KIAA1671: variants seen among roughly 807,000 people sequenced by gnomAD.
The protein encoded by KIAA1671 is KIAA1671, also known as uncharacterized protein KIAA1671.
In KIAA1671, 52 loss-of-function variants were observed where a neutral mutation model predicts 131.2. The observed-to-expected ratio is 0.40, with a 90% CI of 0.32 to 0.50. The LOEUF is 0.50. KIAA1671 is among the 20% of genes least tolerant of loss of function. The probability of loss-of-function intolerance (pLI) is 0.73; values close to 1 mark genes in which losing one functional copy is unlikely to be tolerated. For missense variants in KIAA1671, 2,360 were observed against 2,364.2 expected (o/e 1.00, Z 0.04); for synonymous variants, 1,003 against 961.6 (o/e 1.04, Z -0.80).
chr22:25,109,112 T>C (rs528209728), intron 6 of KIAA1671, among the ~76,000 whole-genome samples: 2 of 151,794 alleles, frequency 1.3e-5, no homozygotes, highest in South Asian at 4.2e-4. Context: ...ACACTATCAC[T>C]TCTTTTTTTT....
chr22:25,034,200 C>T (rs1363524715), intron 4 of KIAA1671, among the ~76,000 whole-genome samples: 1 of 152,054 alleles, frequency 6.6e-6, no homozygotes, highest in African/African-American at 2.4e-5. Flanking sequence ...CACCCACTAC[C>T]ACGCCTGGCT....
intron 6 of KIAA1671, chr22:25,055,525 C>A (rs1243672673): frequency 6.7e-6 from 1 of 149,752 alleles, no homozygotes; most frequent in East Asian, 2.0e-4. Flanking sequence ...AGTTCCAGAC[C>A]AGCCTGGGCT....
chr22:25,157,988 ATTTT>A (rs1284978640), intron 6 of KIAA1671, among the ~76,000 whole-genome samples: 1 of 151,804 alleles, frequency 6.6e-6, no homozygotes, highest in Non-Finnish European at 1.5e-5. Context: ...CGCCCGGCTA[ATTTT>A]TTGTATTTTT....
At chr22:24,958,665 A>AG (rs1921848559) in intron 1 of KIAA1671, among the ~76,000 whole-genome samples, 1 of 150,724 alleles carries the variant, frequency 6.6e-6, no homozygotes, top group Admixed American at 6.6e-5. Flanking sequence ...AAAAAAAAAA[A>AG]AAAAGGTTAA....
At position 25,147,977 on chromosome 22, in the gene KIAA1671, C is replaced by CCCCT. The variant is rs745650400; in HGVS notation, c.4531-22826_4531-22823dup. Among the ~76,000 whole-genome samples the CCCCT allele has an allele frequency of 9.5e-5, 12 of 126,344 alleles. No homozygotes were observed. The East Asian group carries it at 2.1e-3, about 22-fold the overall frequency. 82.9% of individuals were successfully genotyped at this position (126,344 alleles called of 152,430 possible). A position where few individuals can be genotyped will look rare whatever the true frequency, so the allele number is the denominator to read the frequency against. On this transcript the variant is annotated intron_variant, in intron 6 of 12. Coordinates refer to ENST00000358431, the MANE Select transcript of KIAA1671 (RefSeq NM_001145206.2). ...CCTTCCTCCTTTCCTTTCCTCCCTTCCCCTCCCTCCCTCCCTCCCTACCTC... is the reference window on the plus strand; with the variant it reads ...CCTTCCTCCTTTCCTTTCCTCCCTTCCCCTCCCTCCCTCCCTCCCTCCCTACCTC...
At chr22:25,098,875 G>C (rs1930514843) in intron 6 of KIAA1671, among the ~76,000 whole-genome samples, 1 of 152,210 alleles carries the variant, frequency 6.6e-6, no homozygotes, top group Non-Finnish European at 1.5e-5. Flanking sequence ...GCGCAAAAGA[G>C]AGGCTCCCCA....
chr22:25,121,814 A>G (rs748860638), intron 6 of KIAA1671, among the ~76,000 whole-genome samples: 3 of 152,192 alleles, frequency 2.0e-5, no homozygotes, highest in Non-Finnish European at 4.4e-5. Flanking sequence ...GGGAATATTT[A>G]TTACTTTTGC....
chr22:24,998,394 C>G (rs1023252116), intron 1 of KIAA1671, among the ~76,000 whole-genome samples: 1 of 151,790 alleles, frequency 6.6e-6, no homozygotes, highest in Non-Finnish European at 1.5e-5. Flanking sequence ...GCCTGGGTGA[C>G]AAATTAAGAC....
intron 1 of KIAA1671, among the ~76,000 whole-genome samples, chr22:24,966,287 C>T (rs577065446): frequency 2.4e-4 from 36 of 152,244 alleles, no homozygotes; most frequent in African/African-American, 7.0e-4. Context: ...CGAGCACTGC[C>T]GAGGGAAGGA....
intron 6 of KIAA1671, among the ~76,000 whole-genome samples, chr22:25,093,838 GTCTCTCTCTCTCTCTC>G (rs56200570): frequency 7.1e-4 from 14 of 19,642 alleles, no homozygotes; most frequent in East Asian, 4.8e-3. Context: ...CTCTCTGTCT[GTCTCTCTCTCTCTCTC>G]TCTCTCTCTC....
At chr22:25,079,110 G>A (rs1050541768) in intron 6 of KIAA1671, among the ~76,000 whole-genome samples, 3 of 152,180 alleles carry the variant, frequency 2.0e-5, no homozygotes, top group East Asian at 1.9e-4. Context: ...GGTGGCAGCC[G>A]ATGCTGGTGC....
At chr22:25,165,949 C>T (rs941742656) in intron 6 of KIAA1671, among the ~76,000 whole-genome samples, 5 of 152,236 alleles carry the variant, frequency 3.3e-5, no homozygotes, top group Middle Eastern at 3.4e-3. Flanking sequence ...CACCAGGCCC[C>T]GCACCCATGC....
chr22:25,171,066 T>C (rs1933829950), intron 7 of KIAA1671, 128 bp downstream of exon 7: 1 of 741,752 alleles, frequency 1.3e-6, no homozygotes, highest in Admixed American at 2.8e-5. Context: ...GAACCCATTC[T>C]TCTTTTAAAA....
chr22:24,994,670 G>A (rs1924018681), intron 1 of KIAA1671, among the ~76,000 whole-genome samples: 1 of 152,138 alleles, frequency 6.6e-6, no homozygotes, highest in African/African-American at 2.4e-5. Flanking sequence ...GAGGTCAGAG[G>A]CTCTGACAAA....
chr22:25,187,992 G>A (rs1181794588), intron 11 of KIAA1671, among the ~76,000 whole-genome samples: 2 of 152,262 alleles, frequency 1.3e-5, no homozygotes, highest in East Asian at 3.9e-4. Context: ...TTCTGTATGT[G>A]TTCTTCCATT....
In KIAA1671 at chr22:24,998,524, C is replaced by T. The variant is rs924673104; in HGVS notation, c.-207-27109C>T. Among the ~76,000 whole-genome samples, 8 of 152,020 alleles carry T rather than the reference C, an allele frequency of 5.3e-5. No individual in the cohort carries two copies. The East Asian group carries it at 1.2e-3, about 22-fold the overall frequency. ...CACGAGGTCAGGAGATCGAGACCAT[C>T]CTGGCTAGCACAGTGAAACCCGTCT... On this transcript the variant is annotated intron_variant, in intron 1 of 12. Transcript: ENST00000358431.
chr22:24,960,658 T>TTC (rs1921972624), intron 1 of KIAA1671, among the ~76,000 whole-genome samples: 1 of 139,404 alleles, frequency 7.2e-6, no homozygotes, highest in Admixed American at 7.2e-5. Flanking sequence ...CAGGTTCTTT[T>TTC]TTTTTTTTTT....
chr22:25,147,297 A>T (rs1399636248), intron 6 of KIAA1671, among the ~76,000 whole-genome samples: 1 of 151,682 alleles, frequency 6.6e-6, no homozygotes, highest in Non-Finnish European at 1.5e-5. Context: ...GGTTCAAGTG[A>T]TTCTCCTGCC....
intron 10 of KIAA1671, among the ~76,000 whole-genome samples, 183 bp downstream of exon 10, chr22:25,182,006 T>C (rs1934295556): frequency 6.6e-6 from 1 of 151,938 alleles, no homozygotes; most frequent in Admixed American, 6.6e-5. Context: ...TGAAACCCCG[T>C]CTCTACTAAA....
Sources: allele counts gnomAD v4.1 joint callset (sites outside exome capture counted in the v4.1 genomes callset), GRCh38; gene constraint gnomAD v4.1.1; transcripts MANE v1.5; gene names NCBI Gene and HGNC (gene_info 2026-07-23, HGNC 2026-07-21).